The following CACNA2D3 variants were observed in gnomAD, a reference collection of about 807,000 sequenced individuals.
CACNA2D3 encodes calcium voltage-gated channel auxiliary subunit alpha2delta 3, also known as voltage-dependent calcium channel subunit alpha-2/delta-3.
Under a neutral mutation model 160.6 loss-of-function variants are expected in CACNA2D3, and 60 were observed. The observed-to-expected ratio is 0.37, with a 90% confidence interval of 0.30 to 0.46. CACNA2D3 has a LOEUF of 0.46. Among genes scored for constraint, CACNA2D3 ranks in the 20% least tolerant of loss-of-function variants. CACNA2D3 has a pLI of 1.00. For missense variants in CACNA2D3, 1,205 were observed against 1,365.0 expected, an observed-to-expected ratio of 0.88 and a Z score of 1.85; for synonymous variants, 558 against 492.9, an observed-to-expected ratio of 1.13 and a Z score of -1.75.
At position 54,254,553 on chromosome 3, in the gene CACNA2D3, C is replaced by G. The variant is rs140415824; in HGVS notation, c.205-65889C>G. Among the ~76,000 whole-genome samples, 7 of 152,236 alleles carry G rather than the reference C, an allele frequency of 4.6e-5. No homozygotes were observed. In the East Asian group the frequency reaches 1.4e-3, roughly 29 times the overall value. On this transcript the variant is annotated intron_variant, in intron 2 of 37. Coordinates refer to ENST00000474759, the MANE Select transcript of CACNA2D3 (RefSeq NM_018398.3). ...ATAAGGACTTGGTCAAATTACCTAA[C>G]CTTTCTGAGCTTCAGTTTCCAAGTA...
rs1701880475 is a variant in CACNA2D3, at chr3:54,752,591, C to T, written c.1168-8C>T. On this transcript the variant is annotated splice_region_variant and splice_polypyrimidine_tract_variant and intron_variant, in intron 11 of 37. Coordinates refer to ENST00000474759, the MANE Select transcript of CACNA2D3 (RefSeq NM_018398.3). Reference sequence around the variant, plus strand: ...TGCCGCTCAGCCATGCGTTTGTCTTCCCTTCAGGTTCGCATCTTCACATAC... The same window carrying T: ...TGCCGCTCAGCCATGCGTTTGTCTTTCCTTCAGGTTCGCATCTTCACATAC... 7 of 1,610,946 alleles carry T rather than the reference C, an allele frequency of 4.3e-6. No homozygotes were observed. Among genetic ancestry groups the T allele is most frequent in the Non-Finnish European group, 5.9e-6 (7 of 1,177,828 alleles).
chr3:54,426,309 T>C (rs1477739874), intron 4 of CACNA2D3, among the ~76,000 whole-genome samples: 1 of 152,230 alleles, frequency 6.6e-6, no homozygotes, highest in African/African-American at 2.4e-5. Context: ...GTAATTTTTA[T>C]AGCTCTAAGT....
chr3:54,158,166 T>C (rs577486391), intron 2 of CACNA2D3, among the ~76,000 whole-genome samples: 4 of 152,206 alleles, frequency 2.6e-5, no homozygotes, highest in African/African-American at 9.6e-5. Context: ...CCCCTGGCCC[T>C]GTATTTCTGT....
rs544371246 is a variant in CACNA2D3 at position 54,598,461 on chromosome 3, A to T, written c.963+16584A>T. On this transcript the variant is annotated intron_variant, in intron 9 of 37. Coordinates refer to ENST00000474759, the MANE Select transcript of CACNA2D3 (RefSeq NM_018398.3). ...TTGCCCAGTGCCCAGCATCTTAACA[A>T]ATGTAATTATTTACTCAAATAATAA... 3.9e-5 allele frequency among the ~76,000 whole-genome samples: 6 copies of T among 152,246 alleles called. 1 individual carries two copies. In the South Asian group the frequency reaches 1.2e-3, roughly 32 times the overall value.
intron 2 of CACNA2D3, among the ~76,000 whole-genome samples, chr3:54,161,876 G>A (rs1700351426): frequency 6.6e-6 from 1 of 152,172 alleles, no homozygotes; most frequent in Non-Finnish European, 1.5e-5. Flanking sequence ...GCTCCTTGGG[G>A]AGTCACCACT....
At chr3:54,207,687 C>T (rs1399008080) in intron 2 of CACNA2D3, among the ~76,000 whole-genome samples, 4 of 152,066 alleles carry the variant, frequency 2.6e-5, no homozygotes, top group East Asian at 3.9e-4. Flanking sequence ...TGTGCACATT[C>T]CACCATATGG....
At chr3:54,194,819 C>T (rs1368527686) in intron 2 of CACNA2D3, among the ~76,000 whole-genome samples, 1 of 152,164 alleles carries the variant, frequency 6.6e-6, no homozygotes, top group African/African-American at 2.4e-5. Flanking sequence ...GGGCAAAGCC[C>T]TCATGATTTA....
At chr3:54,311,849 A>C (rs1054330164) in intron 2 of CACNA2D3, among the ~76,000 whole-genome samples, 1 of 152,192 alleles carries the variant, frequency 6.6e-6, no homozygotes, top group African/African-American at 2.4e-5. Flanking sequence ...TTTCAGTTTA[A>C]GTTTCTTTTT....
chr3:54,876,306 A>T (rs972637347), intron 18 of CACNA2D3: 2 of 152,150 alleles, frequency 1.3e-5, no homozygotes, highest in African/African-American at 4.8e-5. Flanking sequence ...CTCAAGCCGC[A>T]GCTTCCTAAG....
intron 1 of CACNA2D3, 198 bp from the exon 2 acceptor site, chr3:54,123,315 G>A (rs1699515146): frequency 1.7e-6 from 1 of 574,566 alleles, no homozygotes; most frequent in Non-Finnish European, 3.1e-6. Flanking sequence ...GACCCCCCTC[G>A]GGCCCCCTCC....
intron 16 of CACNA2D3, among the ~76,000 whole-genome samples, chr3:54,845,096 A>T (rs1193293468): frequency 6.6e-6 from 1 of 152,228 alleles, no homozygotes; most frequent in Non-Finnish European, 1.5e-5. Context: ...TTCACAGCAT[A>T]ATGAAATATA....
intron 35 of CACNA2D3, among the ~76,000 whole-genome samples, chr3:55,028,018 C>A (rs1703602082): frequency 6.6e-6 from 1 of 152,226 alleles, no homozygotes; most frequent in Non-Finnish European, 1.5e-5. Flanking sequence ...CTAAGTAAAT[C>A]ATGTCAGGTG....
intron 11 of CACNA2D3, among the ~76,000 whole-genome samples, chr3:54,714,442 C>G (rs2106970171): frequency 6.6e-6 from 1 of 152,234 alleles, no homozygotes; most frequent in South Asian, 2.1e-4. Context: ...CCTTAGGATT[C>G]AGCTTTTTCA....
chr3:54,826,107 G>A (rs1016166842), intron 14 of CACNA2D3, among the ~76,000 whole-genome samples: 3 of 152,110 alleles, frequency 2.0e-5, no homozygotes, highest in African/African-American at 7.2e-5. Context: ...ACTGCCTTTT[G>A]GTTTTTCTTA....
At chr3:54,482,054 A>G (rs566441640) in intron 4 of CACNA2D3, among the ~76,000 whole-genome samples, 8 of 152,350 alleles carry the variant, frequency 5.3e-5, no homozygotes, top group African/African-American at 1.7e-4. Context: ...AAATATGTCT[A>G]TAACAACTCA....
At chr3:54,729,638 C>T (rs935386301) in intron 11 of CACNA2D3, among the ~76,000 whole-genome samples, 3 of 152,184 alleles carry the variant, frequency 2.0e-5, no homozygotes, top group African/African-American at 4.8e-5. Flanking sequence ...TGTCTCTGTT[C>T]GGTGGGTCTT....
chr3:54,344,366 C>T (rs887802622), intron 3 of CACNA2D3, among the ~76,000 whole-genome samples: 2 of 152,134 alleles, frequency 1.3e-5, no homozygotes, highest in Non-Finnish European at 2.9e-5. Context: ...GTGCCTGGCT[C>T]CCCAAATATT....
intron 19 of CACNA2D3, 89 bp from the exon 20 acceptor site, chr3:54,879,261 C>T (rs1699735776): frequency 9.9e-7 from 1 of 1,007,006 alleles, no homozygotes; most frequent in African/African-American, 1.6e-5. Context: ...ATAGTGTGTC[C>T]ATTTATTTTT....
intron 17 of CACNA2D3, among the ~76,000 whole-genome samples, chr3:54,848,735 AGC>A (rs1698990034): frequency 6.6e-6 from 1 of 152,214 alleles, no homozygotes; most frequent in African/African-American, 2.4e-5. Context: ...CACACTGTGA[AGC>A]TCAACTCCTA....
Sources: allele counts gnomAD v4.1 joint callset (sites outside exome capture counted in the v4.1 genomes callset), GRCh38; gene constraint gnomAD v4.1.1; transcripts MANE v1.5; gene names NCBI Gene and HGNC (gene_info 2026-07-23, HGNC 2026-07-21).